Variants in SLIT3 observed in about 807,000 individuals in gnomAD.
SLIT3 encodes slit homolog 3 protein.
SLIT3 carries 68 observed loss-of-function variants against 184.0 expected under a neutral mutation model. That is an observed-to-expected ratio of 0.37 (90% confidence interval 0.30 to 0.45). SLIT3 has a LOEUF of 0.45. SLIT3 is among the 20% of genes least tolerant of loss of function. The pLI, the probability that SLIT3 is intolerant of heterozygous loss-of-function variation, is 1.00. For synonymous variants in SLIT3, 831 were observed against 828.6 expected (o/e 1.00, Z -0.05); for missense variants, 1,707 against 2,026.0 (o/e 0.84, Z 3.02).
chr5:169,225,526 G>A (rs1764774570), intron 3 of SLIT3, among the ~76,000 whole-genome samples: 1 of 152,210 alleles, frequency 6.6e-6, no homozygotes, highest in Non-Finnish European at 1.5e-5. Flanking sequence ...CAAATATGTG[G>A]TTTCCCTCTT....
At chr5:168,968,661 G>C (rs1050666213) in intron 4 of SLIT3, among the ~76,000 whole-genome samples, 4 of 152,112 alleles carry the variant, frequency 2.6e-5, no homozygotes, top group African/African-American at 9.7e-5. Context: ...AACCAAAACT[G>C]GTCTTCTAAA....
At chr5:168,746,710 T>G in intron 20 of SLIT3, among the ~76,000 whole-genome samples, 1 of 102,334 alleles carries the variant, frequency 9.8e-6, no homozygotes, top group Non-Finnish European at 2.0e-5. Flanking sequence ...TGGTGGTGTG[T>G]GGTGTGGGTG....
At position 169,292,065 on chromosome 5, in the gene SLIT3, A is replaced by G. The variant is rs570791498; in HGVS notation, c.197+8448T>C. 3.3e-4 allele frequency among the ~76,000 whole-genome samples: 51 copies of G among 152,282 alleles called. 1 individual carries two copies. In the East Asian group the frequency reaches 7.9e-3, roughly 24 times the overall value. ...GTTTACAGAGGCTTGGGGACCCTGT[A>G]GGCCCTGGTCCCCTATGCTTCATTC... On this transcript the variant is annotated intron_variant, in intron 1 of 35. Transcript: ENST00000519560.
chr5:169,234,535 C>G (rs1378830542), intron 3 of SLIT3, among the ~76,000 whole-genome samples: 1 of 152,170 alleles, frequency 6.6e-6, no homozygotes, highest in Non-Finnish European at 1.5e-5. Flanking sequence ...GCCTGAGTAG[C>G]TGGGACTACA....
intron 4 of SLIT3, among the ~76,000 whole-genome samples, chr5:169,179,965 G>T (rs954567012): frequency 1.3e-5 from 2 of 152,116 alleles, no homozygotes; most frequent in Admixed American, 1.3e-4. Context: ...TACAATCTAT[G>T]GGGGGATGAA....
intron 4 of SLIT3, among the ~76,000 whole-genome samples, chr5:168,936,683 G>A (rs1184715020): frequency 2.0e-5 from 3 of 152,266 alleles, no homozygotes; most frequent in South Asian, 4.2e-4. Flanking sequence ...TTCCATATCC[G>A]GTGACTTCCT....
At chr5:169,180,117 C>T (rs1323741550) in intron 4 of SLIT3, among the ~76,000 whole-genome samples, 2 of 152,154 alleles carry the variant, frequency 1.3e-5, no homozygotes, top group Admixed American at 1.3e-4. Flanking sequence ...ACAGGGTTGT[C>T]ATGAGAGAGT....
intron 4 of SLIT3, among the ~76,000 whole-genome samples, chr5:169,062,728 C>T (rs1318816620): frequency 6.6e-6 from 1 of 152,222 alleles, no homozygotes; most frequent in African/African-American, 2.4e-5. Flanking sequence ...AGCACAGATT[C>T]TGCCTGTTAG....
intron 4 of SLIT3, among the ~76,000 whole-genome samples, chr5:168,910,677 C>T (rs1025508050): frequency 1.3e-5 from 2 of 149,952 alleles, no homozygotes; most frequent in East Asian, 2.0e-4. Flanking sequence ...ACCTGGGAGG[C>T]GGAGCTTGCA....
At chr5:169,260,898 A>G (rs1766148420) in intron 1 of SLIT3, among the ~76,000 whole-genome samples, 1 of 152,264 alleles carries the variant, frequency 6.6e-6, no homozygotes, top group Non-Finnish European at 1.5e-5. Flanking sequence ...AACGCTGTAT[A>G]CCATAGGTTG....
chr5:169,275,499 A>C (rs1175092490), intron 1 of SLIT3, among the ~76,000 whole-genome samples: 2 of 152,022 alleles, frequency 1.3e-5, no homozygotes, highest in Non-Finnish European at 2.9e-5. Flanking sequence ...GGATTGTATT[A>C]ATCTGTTTTT....
chr5:168,792,607 T>C (rs541521932), intron 10 of SLIT3, among the ~76,000 whole-genome samples: 11 of 152,256 alleles, frequency 7.2e-5, no homozygotes, highest in Admixed American at 1.3e-4. Context: ...TATTAGGAAG[T>C]CCTGGAGCTT....
chr5:168,949,556 A>C (rs1175739564), intron 4 of SLIT3, among the ~76,000 whole-genome samples: 1 of 152,168 alleles, frequency 6.6e-6, no homozygotes. Context: ...TAGACAAAAG[A>C]CCCAAAGAAC....
chr5:169,260,710 C>A (rs1421581290), intron 1 of SLIT3, among the ~76,000 whole-genome samples: 1 of 152,154 alleles, frequency 6.6e-6, no homozygotes, highest in Non-Finnish European at 1.5e-5. Context: ...TACCTGTTTT[C>A]TATTTCTTAC....
chr5:169,241,603 A>T (rs1183173586), intron 3 of SLIT3, among the ~76,000 whole-genome samples: 2 of 152,174 alleles, frequency 1.3e-5, no homozygotes, highest in Non-Finnish European at 2.9e-5. Context: ...ATAGAACAAA[A>T]ACTCAAGCGC....
intron 3 of SLIT3, among the ~76,000 whole-genome samples, chr5:169,209,503 A>G (rs1440549813): frequency 6.6e-6 from 1 of 152,230 alleles, no homozygotes; most frequent in Non-Finnish European, 1.5e-5. Flanking sequence ...ATGTATGTTT[A>G]TTGCAGCACT....
intron 2 of SLIT3, among the ~76,000 whole-genome samples, chr5:169,246,686 T>C (rs964333441): frequency 6.6e-6 from 1 of 151,842 alleles, no homozygotes; most frequent in African/African-American, 2.4e-5. Flanking sequence ...TTTGGGAGGC[T>C]GAGGCAGGTG....
chr5:169,241,764 T>C (rs1217873643), intron 3 of SLIT3, among the ~76,000 whole-genome samples: 1 of 152,132 alleles, frequency 6.6e-6, no homozygotes, highest in Non-Finnish European at 1.5e-5. Context: ...GTGTCATAAG[T>C]GGTGTGATAG....
At chr5:168,913,750 A>C (rs985334723) in intron 4 of SLIT3, among the ~76,000 whole-genome samples, 1 of 151,394 alleles carries the variant, frequency 6.6e-6, no homozygotes, top group Non-Finnish European at 1.5e-5. Context: ...TCAAAAAAAA[A>C]AACAAACAAA....
Sources: allele counts gnomAD v4.1 joint callset (sites outside exome capture counted in the v4.1 genomes callset), GRCh38; gene constraint gnomAD v4.1.1; transcripts MANE v1.5; gene names NCBI Gene and HGNC (gene_info 2026-07-23, HGNC 2026-07-21).